TRIQK: variants seen among roughly 807,000 people sequenced by gnomAD.
TRIQK encodes the protein triple QxxK/R motif-containing protein.
In TRIQK, 10 loss-of-function variants were observed where a neutral mutation model predicts 10.8. The observed-to-expected ratio is 0.92, with a 90% confidence interval of 0.57 to 1.57. TRIQK has a LOEUF of 1.57. Among genes scored for constraint, TRIQK ranks in the 40% most tolerant of loss-of-function variants. The pLI, the probability that TRIQK is intolerant of heterozygous loss-of-function variation, is 0.00. For synonymous variants in TRIQK, 33 were observed against 33.7 expected (o/e 0.98, Z 0.07); for missense variants, 107 against 97.7 (o/e 1.09, Z -0.40).
intron 1 of TRIQK, among the ~76,000 whole-genome samples, chr8:93,002,804 C>T (rs1404969411): frequency 2.0e-5 from 3 of 151,574 alleles, no homozygotes; most frequent in African/African-American, 7.3e-5. Context: ...TCTGTAATCC[C>T]GGCTACTTGG....
At chr8:92,937,295 T>C (rs1277503917) in intron 2 of TRIQK, among the ~76,000 whole-genome samples, 1 of 150,964 alleles carries the variant, frequency 6.6e-6, no homozygotes, top group African/African-American at 2.4e-5. Flanking sequence ...AATATACCTA[T>C]ACCAACACAC....
chr8:93,006,644 C>T (rs1813275622), intron 1 of TRIQK, among the ~76,000 whole-genome samples: 1 of 152,210 alleles, frequency 6.6e-6, no homozygotes, highest in Non-Finnish European at 1.5e-5. Context: ...ACTGCAGCTC[C>T]AGTCTGCCCC....
At chr8:92,984,907 C>CA (rs1813018435) in intron 1 of TRIQK, among the ~76,000 whole-genome samples, 1 of 151,914 alleles carries the variant, frequency 6.6e-6, no homozygotes, top group Non-Finnish European at 1.5e-5. Flanking sequence ...CTGGAAACCA[C>CA]AAAAAAGAAT....
chr8:92,970,702 T>C (rs1423098098), upstream of TRIQK, among the ~76,000 whole-genome samples: 1 of 152,184 alleles, frequency 6.6e-6, no homozygotes, highest in Non-Finnish European at 1.5e-5. Flanking sequence ...ATATTAGACC[T>C]TTGTCAGATG....
chr8:92,962,806 A>C (rs879670015), intron 1 of TRIQK, among the ~76,000 whole-genome samples: 9 of 152,242 alleles, frequency 5.9e-5, no homozygotes, highest in Non-Finnish European at 1.2e-4. Flanking sequence ...CATGAAAAGC[A>C]GTAATTGTAA....
At chr8:93,004,479 G>C (rs1046837232) in intron 1 of TRIQK, among the ~76,000 whole-genome samples, 2 of 152,218 alleles carry the variant, frequency 1.3e-5, no homozygotes, top group African/African-American at 4.8e-5. Context: ...TCTGTGAAAT[G>C]CCCTGGAGGT....
At chr8:92,906,414 CCAATCATAAA>C (rs1037995590) in intron 3 of TRIQK, among the ~76,000 whole-genome samples, 5 of 151,942 alleles carry the variant, frequency 3.3e-5, no homozygotes, top group African/African-American at 1.2e-4. Flanking sequence ...ACTATTTTGA[CCAATCATAAA>C]ATTTAATACA....
At chr8:92,905,441 T>A (rs2130374274) in intron 3 of TRIQK, among the ~76,000 whole-genome samples, 1 of 152,306 alleles carries the variant, frequency 6.6e-6, no homozygotes, top group South Asian at 2.1e-4. Context: ...AGAGAATTAA[T>A]ACAAAATTAA....
intron 2 of TRIQK, among the ~76,000 whole-genome samples, chr8:92,932,079 T>A (rs1810756362): frequency 6.6e-6 from 1 of 152,184 alleles, no homozygotes; most frequent in Non-Finnish European, 1.5e-5. Flanking sequence ...GCCGTCAGCT[T>A]CCAAGTCAGC....
chr8:92,892,013 T>C lies in TRIQK; in HGVS notation c.123A>G (p.Ala41=). The C allele has an allele frequency of 6.5e-7, 1 of 1,533,848 alleles. No homozygotes were observed. The highest frequency in any genetic ancestry group is 8.7e-7 in the Non-Finnish European group (1 of 1,144,580). The stretch of plus-strand genomic sequence containing the variant: ...CCTTTATGCCTATTGCTGTTTTCTT[T>C]GCTTCTGCTTTTAATTTGGTTGCTC... ...ILRATKLKAE[A]KKTAIGIKEV... is the part of the protein sequence containing the mutation. Residue 41 remains alanine (A), a synonymous_variant, in exon 4 of 5, where the codon GCA becomes GCG. Coordinates refer to ENST00000521988, the MANE Select transcript of TRIQK (RefSeq NM_001171797.2).
intron 1 of TRIQK, among the ~76,000 whole-genome samples, chr8:93,000,331 A>G (rs1813196010): frequency 6.6e-6 from 1 of 152,202 alleles, no homozygotes; most frequent in Non-Finnish European, 1.5e-5. Context: ...ACAGTTCTAC[A>G]TGGCCCGGGA....
chr8:93,012,119 A>G (rs1452183745), intron 1 of TRIQK, among the ~76,000 whole-genome samples: 2 of 152,202 alleles, frequency 1.3e-5, no homozygotes, highest in Admixed American at 1.3e-4. Flanking sequence ...GATAGGAATT[A>G]GAAATGGCTG....
intron 3 of TRIQK, among the ~76,000 whole-genome samples, chr8:92,912,881 T>C (rs990669316): frequency 2.0e-5 from 3 of 151,980 alleles, no homozygotes; most frequent in East Asian, 1.9e-4. Flanking sequence ...TTCAATTCTA[T>C]GAAACATTAA....
intron 1 of TRIQK, among the ~76,000 whole-genome samples, chr8:92,980,451 A>T (rs1398840828): frequency 6.6e-6 from 1 of 151,970 alleles, no homozygotes; most frequent in Non-Finnish European, 1.5e-5. Context: ...AAAATGAGTT[A>T]GGTAGCTTCA....
At chr8:92,892,308 CA>C in intron 3 of TRIQK, among the ~76,000 whole-genome samples, 2 of 151,444 alleles carry the variant, frequency 1.3e-5, no homozygotes, top group Admixed American at 1.3e-4. Context: ...TAGTGAATGT[CA>C]AAAAAGATAA....
intron 1 of TRIQK, among the ~76,000 whole-genome samples, chr8:92,971,263 C>G (rs1468848592): frequency 1.3e-5 from 2 of 152,018 alleles, no homozygotes; most frequent in African/African-American, 2.4e-5. Context: ...TCTCACCACT[C>G]CTGTTCAGCA....
At chr8:93,001,067 G>A (rs574048667) in intron 1 of TRIQK, among the ~76,000 whole-genome samples, 3 of 152,246 alleles carry the variant, frequency 2.0e-5, no homozygotes, top group South Asian at 2.1e-4. Context: ...CAGCACTTTG[G>A]GAGGCTGAGA....
rs1412318120 is a variant in TRIQK at position 92,889,102 on chromosome 8, G to A, written c.148-2367C>T. Among the ~76,000 whole-genome samples the A allele has an allele frequency of 2.6e-5, 4 of 151,634 alleles. No homozygotes were observed. In the East Asian group the frequency reaches 5.8e-4, roughly 22 times the overall value. On this transcript the variant is annotated intron_variant, in intron 4 of 4. Transcript: ENST00000521988. ...ACAAAAAATAAAAAGTACCTCCTCA[G>A]TAGAAATCAAGTCTAGGTTTCAGAA...
chr8:92,913,790 T>TA (rs1253662739), intron 3 of TRIQK, among the ~76,000 whole-genome samples: 1 of 152,084 alleles, frequency 6.6e-6, no homozygotes, highest in Non-Finnish European at 1.5e-5. Context: ...TATGCAGCCA[T>TA]AAAAAATAAT....
Sources: allele counts gnomAD v4.1 joint callset (sites outside exome capture counted in the v4.1 genomes callset), GRCh38; gene constraint gnomAD v4.1.1; transcripts MANE v1.5; gene names NCBI Gene and HGNC (gene_info 2026-07-23, HGNC 2026-07-21).